The following AUP1 variants were observed in gnomAD, a reference collection of about 807,000 sequenced individuals.
AUP1 encodes the protein AUP1 lipid droplet regulating VLDL assembly factor.
AUP1 carries 30 observed loss-of-function variants against 51.8 expected under a neutral mutation model. The ratio of observed to expected loss-of-function variants is 0.58; its 90% CI spans 0.43 to 0.79. The LOEUF is 0.79. AUP1 is among the 30% of genes least tolerant of loss of function. AUP1 has a pLI of 0.00. For missense variants in AUP1, 492 were observed against 517.1 expected, an observed-to-expected ratio of 0.95 and a Z score of 0.47; for synonymous variants, 227 against 209.0, an observed-to-expected ratio of 1.09 and a Z score of -0.74.
chr2:74,527,729 C>G lies in AUP1; in HGVS notation c.841+7G>C. On this transcript the variant is annotated splice_region_variant and intron_variant, in intron 8 of 11. Coordinates refer to ENST00000377526, the MANE Select transcript of AUP1 (RefSeq NM_181575.5). The stretch of plus-strand genomic sequence containing the variant: ...CCCAAAAGCTGTAATGTATAGAGAC[C>G]ACATACCTGACTGGGGGCGCAATCT... The G allele has an allele frequency of 6.2e-7, 1 of 1,613,708 alleles. No homozygotes were observed. The highest frequency in any genetic ancestry group is 8.5e-7 in the Non-Finnish European group (1 of 1,179,798).
At position 74,528,801 on chromosome 2, in the gene AUP1, T is replaced by C. The variant is rs371141543; in HGVS notation, c.474A>G (p.Leu158=). The C allele has an allele frequency of 6.8e-6, 11 of 1,613,746 alleles. No individual in the cohort carries two copies. The South Asian group carries it at 7.7e-5, about 11-fold the overall frequency. Residue 158 remains leucine (L), a synonymous_variant, in exon 4 of 12, where the codon CTA becomes CTG. Transcript: ENST00000377526. The part of the protein sequence containing the change: ...STRLPPTPLL[L]FPEEEATNGR... Reference sequence around the variant, plus strand: ...CATTGGTGGCCTCTTCCTCAGGGAATAGCAGCAGAGGAGTGGGGGGAAGCC... The same window carrying C: ...CATTGGTGGCCTCTTCCTCAGGGAACAGCAGCAGAGGAGTGGGGGGAAGCC...
At chr2:74,528,028 C>T (rs1297237872) in intron 6 of AUP1, 22 bp from the exon 7 acceptor site, 3 of 1,613,972 alleles carry the variant, frequency 1.9e-6, no homozygotes, top group African/African-American at 2.7e-5. Flanking sequence ...CAATCCAGGG[C>T]TATGTTGTGG....
intron 6 of AUP1, 66 bp downstream of exon 6, chr2:74,528,182 G>A (rs1486312462): frequency 2.0e-6 from 3 of 1,527,286 alleles, no homozygotes; most frequent in African/African-American, 1.4e-5. Flanking sequence ...CAGGGCAGAG[G>A]CCACTAATTC....
chr2:74,526,992 C>T lies in AUP1; in HGVS notation c.1145G>A (p.Arg382Gln), dbSNP rs746000640. 26 of 1,613,994 alleles carry T rather than the reference C, an allele frequency of 1.6e-5. No individual in the cohort carries two copies. Among genetic ancestry groups the T allele is most frequent in the Admixed American group, 3.3e-5 (2 of 60,000 alleles). The change falls in exon 11 of 12, where the codon CGG becomes CAG. Residue 382 changes from arginine (R) to glutamine (Q), a missense_variant. Coordinates refer to ENST00000377526, the MANE Select transcript of AUP1 (RefSeq NM_181575.5). ...ALTFAKSSWA[R>Q]QESLQERKQA... The stretch of plus-strand genomic sequence containing the variant: ...CTTGCGCTCCTGCAGGCTCTCCTGC[C>T]GGGCCCAGGAAGACTTGGCAAATGT...
Position 74,527,956 on chromosome 2 carries a change from G to A in AUP1, c.722C>T (p.Ala241Val), listed in dbSNP as rs1675275080. 1 of 1,614,072 alleles carries A rather than the reference G, an allele frequency of 6.2e-7. No homozygotes were observed. Among genetic ancestry groups the A allele is most frequent in the Non-Finnish European group, 8.5e-7 (1 of 1,180,042 alleles). ...CCCGACCACCTGTTGTACACGGAGTGCAAACTCCTCATTCGCTTCCCCTAG... is the reference window on the plus strand; with the variant it reads ...CCCGACCACCTGTTGTACACGGAGTACAAACTCCTCATTCGCTTCCCCTAG... The part of the protein sequence containing the change: ...RQLGEANEEF[A>V]LRVQQLVAKE... Residue 241 changes from alanine (A) to valine (V), a missense_variant, in exon 7 of 12, where the codon GCA becomes GTA. Ala to Val is a moderately conservative substitution (Grantham distance 64). Coordinates refer to ENST00000377526, the MANE Select transcript of AUP1 (RefSeq NM_181575.5).
Position 74,527,552 on chromosome 2 carries a change from C to G in AUP1, c.880G>C (p.Asp294His). The G allele has an allele frequency of 6.2e-7, 1 of 1,613,414 alleles. No individual in the cohort carries two copies. Among genetic ancestry groups the G allele is most frequent in the Non-Finnish European group, 8.5e-7 (1 of 1,179,834 alleles). The change falls in exon 9 of 12, where the codon GAT becomes CAT. Residue 294 changes from aspartate (D) to histidine (H), a missense_variant. Physicochemically the swap from Asp to His is moderately conservative, Grantham distance 81 (BLOSUM62 -1). Transcript: ENST00000377526. ...SFPPSPGPSP[D>H]VQLATLAQRV... ...TGAGCCAGAGTTGCCAGTTGCACAT[C>G]AGGAGAAGGACCAGGGGAGGGAGGG...
Position 74,528,819 on chromosome 2 carries a change from G to A in AUP1, c.456C>T (p.Pro152=), listed in dbSNP as rs377686063. 1.1e-5 allele frequency: 18 copies of A among 1,614,004 alleles called. No homozygotes were observed. In the African/African-American group the frequency reaches 1.9e-4, roughly 17 times the overall value. The change falls in exon 4 of 12, where the codon CCC becomes CCT. Residue 152 remains proline (P), a synonymous_variant. Coordinates refer to ENST00000377526, the MANE Select transcript of AUP1 (RefSeq NM_181575.5). ...CAGGGAATAGCAGCAGAGGAGTGGG[G>A]GGAAGCCTCGTGGAAGCACAGAATC... is the stretch of plus-strand genomic sequence containing the variant. ...LKRFCASTRL[P]PTPLLLFPEE... is the part of the protein sequence containing the mutation.
intron 10 of AUP1, 78 bp from the exon 11 acceptor site, chr2:74,527,137 G>C (rs759243806): frequency 1.2e-6 from 2 of 1,610,788 alleles, no homozygotes; most frequent in South Asian, 2.2e-5. Flanking sequence ...TTGCAAGAGA[G>C]GCACTATGCT....
Position 74,528,504 on chromosome 2 carries a change from A to T in AUP1, c.525-15T>A, listed in dbSNP as rs1260544984. ...ATGGCCAGGAACTAGAAGAGGAAGG[A>T]GAAAGTAGGATGGGAATCCAGCCAG... On this transcript the variant is annotated splice_polypyrimidine_tract_variant and intron_variant, in intron 4 of 11. Coordinates refer to ENST00000377526, the MANE Select transcript of AUP1 (RefSeq NM_181575.5). The T allele has an allele frequency of 6.2e-7, 1 of 1,607,106 alleles. No homozygotes were observed. Among genetic ancestry groups the T allele is most frequent in the Non-Finnish European group, 8.5e-7 (1 of 1,174,224 alleles).
In AUP1 at chr2:74,529,454, C is replaced by A; in HGVS notation, c.96G>T (p.Ala32=). 2.6e-6 allele frequency: 4 copies of A among 1,566,316 alleles called. No individual in the cohort carries two copies. The highest frequency in any genetic ancestry group is 1.4e-5 in the African/African-American group (1 of 73,952). Residue 32 remains alanine (A), a synonymous_variant, in exon 2 of 12, where the codon GCG becomes GCT. Coordinates refer to ENST00000377526, the MANE Select transcript of AUP1 (RefSeq NM_181575.5). ...CFLLLVLLLY[A]PVGFCLLVLR... ...GGACGAGGAGGCAGAACCCGACTGG[C>A]GCGTAGAGCAGCAGCACGAGCAGTA... is the stretch of plus-strand genomic sequence containing the variant.
In AUP1 at chr2:74,527,247, C is replaced by A; in HGVS notation, c.1077+1G>T. On this transcript the variant is annotated splice_donor_variant, in intron 10 of 11. Transcript: ENST00000377526. LOFTEE classifies it high-confidence loss of function. ...GGATCTGACCATTTCCTGGGTCTCA[C>A]CTTGGAGGCAGAGGCTGTGGGTAGG... is the stretch of plus-strand genomic sequence containing the variant. 1.2e-6 allele frequency: 2 copies of A among 1,613,220 alleles called. No homozygotes were observed. Among genetic ancestry groups the A allele is most frequent in the Non-Finnish European group, 1.7e-6 (2 of 1,179,520 alleles).
chr2:74,526,796 G>A lies in AUP1; in HGVS notation c.*4C>T. The stretch of plus-strand genomic sequence containing the variant: ...GCTCTGGGTGCCATCCTGTTCCTTT[G>A]AGCTCAGTCAGCCTCCTGGGCTCGT... On this transcript the variant is annotated 3_prime_UTR_variant, in exon 12 of 12. Coordinates refer to ENST00000377526, the MANE Select transcript of AUP1 (RefSeq NM_181575.5). 3 of 1,536,780 alleles carry A rather than the reference G, an allele frequency of 2.0e-6. No homozygotes were observed. The highest frequency in any genetic ancestry group is 2.6e-6 in the Non-Finnish European group (3 of 1,141,302).
In AUP1 at chr2:74,526,977, T is replaced by A. The variant is rs1248363478; in HGVS notation, c.1160A>T (p.Gln387Leu). ...TTCATATAGTGCTTGCTTGCGCTCC[T>A]GCAGGCTCTCCTGCCGGGCCCAGGA... ...KSSWARQESL[Q>L]ERKQALYEYA... The change falls in exon 11 of 12, where the codon CAG becomes CTG. Residue 387 changes from glutamine to leucine, a missense_variant. Transcript: ENST00000377526. The A allele has an allele frequency of 2.5e-6, 4 of 1,614,194 alleles. No individual in the cohort carries two copies. Among genetic ancestry groups the A allele is most frequent in the Non-Finnish European group, 3.4e-6 (4 of 1,180,042 alleles).
In AUP1 at chr2:74,526,949, G is replaced by A. The variant is rs202233554; in HGVS notation, c.1188C>T (p.Tyr396=). ...LQERKQALYE[Y]ARRRFTERRA... ...TCCTCTAACCCCCTCACCTTCTTGCGTATTCATATAGTGCTTGCTTGCGCT... is the reference window on the plus strand; with the variant it reads ...TCCTCTAACCCCCTCACCTTCTTGCATATTCATATAGTGCTTGCTTGCGCT... Residue 396 remains tyrosine, a synonymous_variant, in exon 11 of 12, where the codon TAC becomes TAT. Transcript: ENST00000377526. The A allele has an allele frequency of 5.9e-5, 96 of 1,613,984 alleles. 1 individual carries two copies. The Admixed American group carries it at 1.1e-3, about 19-fold the overall frequency.
chr2:74,529,358 G>A lies in AUP1; in HGVS notation c.188+4C>T, dbSNP rs757430283. On this transcript the variant is annotated splice_donor_region_variant and intron_variant, in intron 2 of 11. Coordinates refer to ENST00000377526, the MANE Select transcript of AUP1 (RefSeq NM_181575.5). ...TGACACTCCCCGAACGCCCGCGTCG[G>A]AACCTGCGAAGGACGCTGTCTGGCA... is the stretch of plus-strand genomic sequence containing the variant. 2.0e-5 allele frequency: 33 copies of A among 1,612,108 alleles called. No homozygotes were observed. The highest frequency in any genetic ancestry group is 2.6e-5 in the Non-Finnish European group (31 of 1,179,164).
Position 74,528,273 on chromosome 2 carries a change from C to T in AUP1, c.646G>A (p.Val216Ile), listed in dbSNP as rs377142567. 9 of 1,613,982 alleles carry T rather than the reference C, an allele frequency of 5.6e-6. No individual in the cohort carries two copies. The highest frequency in any genetic ancestry group is 7.6e-6 in the Non-Finnish European group (9 of 1,180,014). The change falls in exon 6 of 12, where the codon GTC becomes ATC. Residue 216 changes from valine to isoleucine, a missense_variant. Physicochemically the swap from Val to Ile is conservative, Grantham distance 29. Coordinates refer to ENST00000377526, the MANE Select transcript of AUP1 (RefSeq NM_181575.5). ...WVSELLWSLF[V>I]PFTVYQVRWL... ...CTTACTTGATACACCGTGAAAGGGA[C>T]GAAAAGTGACCACAGCAGTTCTGAG...
At chr2:74,527,130 C>T in intron 10 of AUP1, 71 bp from the exon 11 acceptor site, 1 of 1,611,538 alleles carries the variant, frequency 6.2e-7, no homozygotes, top group African/African-American at 1.3e-5. Flanking sequence ...GCCTACTTTG[C>T]AAGAGAGGCA....
rs764255055 is a variant in AUP1, at chr2:74,527,475, G to T, written c.957C>A (p.Asp319Glu). The T allele has an allele frequency of 1.1e-4, 171 of 1,612,334 alleles. No homozygotes were observed. The highest frequency in any genetic ancestry group is 1.4e-4 in the Non-Finnish European group (171 of 1,179,384). Residue 319 changes from aspartate to glutamate, a missense_variant, in exon 9 of 12, where the codon GAC (aspartate) becomes GAA (glutamate). By Grantham distance (45) the Asp-to-Glu change is conservative. Transcript: ENST00000377526. ...PHVPLGVIQR[D>E]LAKTGCVDLT... ...TGGGGCCACCCTTTCCCATACCCAGGTCTCTCTGGATGACACCCAATGGCA... is the reference window on the plus strand; with the variant it reads ...TGGGGCCACCCTTTCCCATACCCAGTTCTCTCTGGATGACACCCAATGGCA...
rs185397967 is a variant in AUP1 at position 74,527,459 on chromosome 2, C to A, written c.961+12G>T. ...TGCCCATCTCCCAGTGTGGGGCCAC[C>A]CTTTCCCATACCCAGGTCTCTCTGG... On this transcript the variant is annotated intron_variant, in intron 9 of 11. Coordinates refer to ENST00000377526, the MANE Select transcript of AUP1 (RefSeq NM_181575.5). 8.4e-5 allele frequency: 136 copies of A among 1,611,528 alleles called. 1 individual carries two copies. The African/African-American group carries it at 1.6e-3, about 19-fold the overall frequency.
Sources: gnomAD v4.1 joint callset for allele counts on GRCh38, gnomAD v4.1.1 for gene constraint, MANE v1.5 for transcripts, NCBI Gene and HGNC (gene_info 2026-07-23, HGNC 2026-07-21) for gene names.